The following ADAMTS2 variants were observed in gnomAD, a reference collection of about 807,000 sequenced individuals.
ADAMTS2 encodes A disintegrin and metalloproteinase with thrombospondin motifs 2.
A neutral mutation model predicts 123.0 loss-of-function variants in ADAMTS2; 50 were observed. The ratio of observed to expected loss-of-function variants is 0.41; its 90% CI spans 0.32 to 0.51. ADAMTS2 has a LOEUF of 0.51. Among genes scored for constraint, ADAMTS2 ranks in the 20% least tolerant of loss-of-function variants. The pLI is 0.35. For synonymous variants in ADAMTS2, 678 were observed against 695.4 expected (o/e 0.98, Z 0.39); for missense variants, 1,494 against 1,705.2 (o/e 0.88, Z 2.18).
chr5:179,136,417 G>A (rs1763067552), intron 12 of ADAMTS2, among the ~76,000 whole-genome samples: 1 of 152,180 alleles, frequency 6.6e-6, no homozygotes. Flanking sequence ...TGTAATCCCA[G>A]CGCTTTGGGA....
chr5:179,186,260 G>A lies in ADAMTS2; in HGVS notation c.892-5105C>T, dbSNP rs77410090. Among the ~76,000 whole-genome samples the A allele has an allele frequency of 7.9e-3, 1,207 of 152,294 alleles. 16 individuals carry two copies. Among genetic ancestry groups the A allele is most frequent in the African/African-American group, 0.027 (1,113 of 41,570 alleles). On this transcript the variant is annotated intron_variant, in intron 4 of 21. Coordinates refer to ENST00000251582, the MANE Select transcript of ADAMTS2 (RefSeq NM_014244.5). ...GGGGCACTGTGGCCCAGAGACCACT[G>A]ACCACTGGCCTGGGTGGTTCTCCTG... is the stretch of plus-strand genomic sequence containing the variant.
chr5:179,129,844 G>T lies in ADAMTS2; in HGVS notation c.2457+88C>A. 5 of 1,558,850 alleles carry T rather than the reference G, an allele frequency of 3.2e-6. No individual in the cohort carries two copies. The highest frequency in any genetic ancestry group is 4.4e-6 in the Non-Finnish European group (5 of 1,142,568). On this transcript the variant is annotated intron_variant, in intron 16 of 21. Coordinates refer to ENST00000251582, the MANE Select transcript of ADAMTS2 (RefSeq NM_014244.5). The surrounding 1 kb of genome is among the most constrained non-coding windows in gnomAD (Gnocchi z 4.1). Reference sequence around the variant, plus strand: ...GGCCACGCAGAGTGTCACCTGAAGGGTCAGGAGGCTCAGCGTCCCAGGCAC... The same window carrying T: ...GGCCACGCAGAGTGTCACCTGAAGGTTCAGGAGGCTCAGCGTCCCAGGCAC...
At position 179,285,544 on chromosome 5, in the gene ADAMTS2, G is replaced by C. The variant is rs2113535142; in HGVS notation, c.535-12480C>G. ...AGCCTCCAGGAAACAGAGCTGGCCAGCCAGACCCAGCCAGGACACAGAGGT... is the reference window on the plus strand; with the variant it reads ...AGCCTCCAGGAAACAGAGCTGGCCACCCAGACCCAGCCAGGACACAGAGGT... On this transcript the variant is annotated intron_variant, in intron 2 of 21. Coordinates refer to ENST00000251582, the MANE Select transcript of ADAMTS2 (RefSeq NM_014244.5). This position sits in a 1 kb window ranked among gnomAD's most constrained non-coding sequence, Gnocchi z 4.9. 6.6e-6 allele frequency among the ~76,000 whole-genome samples: 1 copy of C among 152,274 alleles called. No homozygotes were observed. Among genetic ancestry groups the C allele is most frequent in the South Asian group, 2.1e-4 (1 of 4,826 alleles).
intron 3 of ADAMTS2, among the ~76,000 whole-genome samples, chr5:179,219,494 C>A (rs1765076054): frequency 6.6e-6 from 1 of 152,234 alleles, no homozygotes; most frequent in South Asian, 2.1e-4. Flanking sequence ...CTCTCTTCTG[C>A]CCTGTGCCTG....
chr5:179,298,549 AC>A (rs1457936696), intron 2 of ADAMTS2, among the ~76,000 whole-genome samples: 2 of 152,304 alleles, frequency 1.3e-5, no homozygotes, highest in East Asian at 3.9e-4. Flanking sequence ...GTTTCTAAAC[AC>A]CCAGTCTGTG....
intron 2 of ADAMTS2, among the ~76,000 whole-genome samples, chr5:179,320,966 A>G (rs1283537029): frequency 6.6e-6 from 1 of 152,132 alleles, no homozygotes; most frequent in Non-Finnish European, 1.5e-5. Flanking sequence ...AGGGTTGGGG[A>G]TGTGGGAAAA....
chr5:179,287,928 A>C (rs1034836718), intron 2 of ADAMTS2, among the ~76,000 whole-genome samples: 3 of 152,084 alleles, frequency 2.0e-5, no homozygotes, highest in Admixed American at 6.5e-5. Flanking sequence ...CAGTCCCCCC[A>C]CTCCACTGTG....
In ADAMTS2 at chr5:179,185,232, T is replaced by C. The variant is rs1176279124; in HGVS notation, c.892-4077A>G. On this transcript the variant is annotated intron_variant, in intron 4 of 21. Coordinates refer to ENST00000251582, the MANE Select transcript of ADAMTS2 (RefSeq NM_014244.5). The surrounding 1 kb of genome is among the most constrained non-coding windows in gnomAD (Gnocchi z 5.9). Reference sequence around the variant, plus strand: ...ATGATGGCGGGGCATTTAAGAAGCTTACTCCAGGTGCCTTACGGAAAGTAG... The same window carrying C: ...ATGATGGCGGGGCATTTAAGAAGCTCACTCCAGGTGCCTTACGGAAAGTAG... Among the ~76,000 whole-genome samples, 1 of 152,128 alleles carries C rather than the reference T, an allele frequency of 6.6e-6. No individual in the cohort carries two copies. The highest frequency in any genetic ancestry group is 1.5e-5 in the Non-Finnish European group (1 of 68,022).
Position 179,175,253 on chromosome 5 carries a change from A to C in ADAMTS2, c.975+5819T>G, listed in dbSNP as rs1255514768. ...TCCGCAGCTGTCTCAGCCATGCTTG[A>C]CCGTTCATGTTCCTTTGGAGGATGT... On this transcript the variant is annotated intron_variant, in intron 5 of 21. Coordinates refer to ENST00000251582, the MANE Select transcript of ADAMTS2 (RefSeq NM_014244.5). This position sits in a 1 kb window ranked among gnomAD's most constrained non-coding sequence, Gnocchi z 4.1. Among the ~76,000 whole-genome samples the C allele has an allele frequency of 6.6e-6, 1 of 150,614 alleles. No homozygotes were observed. Among genetic ancestry groups the C allele is most frequent in the Non-Finnish European group, 1.5e-5 (1 of 67,734 alleles).
chr5:179,313,069 C>T (rs248180), intron 2 of ADAMTS2, among the ~76,000 whole-genome samples: 32,658 of 152,110 alleles, frequency 0.21, 4,086 homozygotes, highest in Middle Eastern at 0.28. Context: ...CATCGAAACC[C>T]GATACATCAA....
In ADAMTS2 at chr5:179,175,493, G is replaced by A. The variant is rs1763911150; in HGVS notation, c.975+5579C>T. On this transcript the variant is annotated intron_variant, in intron 5 of 21. Transcript: ENST00000251582. The surrounding 1 kb of genome is among the most constrained non-coding windows in gnomAD (Gnocchi z 4.1). ...ATCAGGTACAATTTCCTTCCAATGG[G>A]TCCATTGTCTTGTCAGGACTATTCC... is the stretch of plus-strand genomic sequence containing the variant. 6.6e-6 allele frequency among the ~76,000 whole-genome samples: 1 copy of A among 152,170 alleles called. No individual in the cohort carries two copies. The highest frequency in any genetic ancestry group is 1.5e-5 in the Non-Finnish European group (1 of 68,036).
rs1765477111 is a variant in ADAMTS2 at position 179,234,248 on chromosome 5, T to A, written c.689-26533A>T. Among the ~76,000 whole-genome samples, 1 of 152,102 alleles carries A rather than the reference T, an allele frequency of 6.6e-6. No individual in the cohort carries two copies. Among genetic ancestry groups the A allele is most frequent in the African/African-American group, 2.4e-5 (1 of 41,404 alleles). On this transcript the variant is annotated intron_variant, in intron 3 of 21. Transcript: ENST00000251582. This position sits in a 1 kb window ranked among gnomAD's most constrained non-coding sequence, Gnocchi z 4.7. The stretch of plus-strand genomic sequence containing the variant: ...GGCTTAACCCCTGCTCTGTGGGGGA[T>A]TCCTGCTGCTCTGCCTGAATTCACC...
At chr5:179,239,188 C>T (rs1765602963) in intron 3 of ADAMTS2, among the ~76,000 whole-genome samples, 1 of 152,076 alleles carries the variant, frequency 6.6e-6, no homozygotes, top group South Asian at 2.1e-4. Flanking sequence ...CTGCTGGGGG[C>T]TCCCAAAGTC....
chr5:179,222,871 C>T lies in ADAMTS2; in HGVS notation c.689-15156G>A, dbSNP rs569984699. On this transcript the variant is annotated intron_variant, in intron 3 of 21. Coordinates refer to ENST00000251582, the MANE Select transcript of ADAMTS2 (RefSeq NM_014244.5). ...CCTGCAGGGCCCAGCTGCCTCCGAA[C>T]CTCCAGCATGCTTCTCCCAGGGCAG... Among the ~76,000 whole-genome samples the T allele has an allele frequency of 1.5e-3, 221 of 152,350 alleles. 2 individuals carry two copies. The highest frequency in any genetic ancestry group is 0.014 in the Middle Eastern group (4 of 294).
At chr5:179,324,930 C>T (rs1210255619) in intron 2 of ADAMTS2, among the ~76,000 whole-genome samples, 1 of 3,634 alleles carries the variant, frequency 2.8e-4, no homozygotes, top group African/African-American at 8.8e-4. Context: ...CCTCAGGGAC[C>T]CCCCCACTGT....
chr5:179,170,251 T>C lies in ADAMTS2; in HGVS notation c.975+10821A>G, dbSNP rs1056239193. Among the ~76,000 whole-genome samples, 5 of 152,106 alleles carry C rather than the reference T, an allele frequency of 3.3e-5. No homozygotes were observed. The highest frequency in any genetic ancestry group is 7.3e-5 in the Non-Finnish European group (5 of 68,034). On this transcript the variant is annotated intron_variant, in intron 5 of 21. Coordinates refer to ENST00000251582, the MANE Select transcript of ADAMTS2 (RefSeq NM_014244.5). This position sits in a 1 kb window ranked among gnomAD's most constrained non-coding sequence, Gnocchi z 4.3. ...ATCCCCACTGGAGCCTGGTGAGGCC[T>C]GGGGGACAGGCAATGGGGGAGCGGC...
In ADAMTS2 at chr5:179,152,188, G is replaced by C. The variant is rs371101121; in HGVS notation, c.1583C>G (p.Thr528Ser). 1 of 1,614,074 alleles carries C rather than the reference G, an allele frequency of 6.2e-7. No individual in the cohort carries two copies. Among genetic ancestry groups the C allele is most frequent in the Non-Finnish European group, 8.5e-7 (1 of 1,179,954 alleles). ...SHPDNPYFCKTKKGPPLDGTM... is the reference protein window; with the variant it reads ...SHPDNPYFCKSKKGPPLDGTM... ...CCCGTCCAAGGGGGGCCCCTTCTTG[G>C]TCTTGCAAAAGTAGGGGTTGTCAGG... Residue 528 changes from threonine to serine, a missense_variant, in exon 10 of 22, where the codon ACC (threonine) becomes AGC (serine). Coordinates refer to ENST00000251582, the MANE Select transcript of ADAMTS2 (RefSeq NM_014244.5).
intron 2 of ADAMTS2, among the ~76,000 whole-genome samples, chr5:179,316,134 C>T (rs1470366679): frequency 6.6e-6 from 1 of 152,114 alleles, no homozygotes; most frequent in Non-Finnish European, 1.5e-5. Context: ...AACAGGGAGG[C>T]AGCAGGCAGA....
chr5:179,206,165 C>T (rs577008029), intron 4 of ADAMTS2, among the ~76,000 whole-genome samples: 2 of 152,328 alleles, frequency 1.3e-5, no homozygotes, highest in African/African-American at 4.8e-5. Flanking sequence ...CGGACTTCGG[C>T]CCCCTGTACG....
Sources: gnomAD v4.1 joint callset for allele counts (sites outside exome capture counted in the v4.1 genomes callset) on GRCh38, gnomAD v4.1.1 for gene constraint, Gnocchi (gnomAD v3.1) non-coding constraint, MANE v1.5 for transcripts, NCBI Gene and HGNC (gene_info 2026-07-23, HGNC 2026-07-21) for gene names.